Variants in GRAMD2B observed in about 807,000 individuals in gnomAD.
GRAMD2B encodes the protein GRAM domain containing 2B.
A neutral mutation model predicts 59.2 loss-of-function variants in GRAMD2B; 41 were observed. The ratio of observed to expected loss-of-function variants is 0.69; its 90% confidence interval spans 0.54 to 0.90. GRAMD2B has a LOEUF of 0.90. GRAMD2B is among the 40% of genes least tolerant of loss of function. The probability of loss-of-function intolerance (pLI) is 0.00; values close to 1 mark genes in which losing one functional copy is unlikely to be tolerated. For missense variants in GRAMD2B, 424 were observed against 500.5 expected, an observed-to-expected ratio of 0.85 and a Z score of 1.46; for synonymous variants, 161 against 182.7, an observed-to-expected ratio of 0.88 and a Z score of 0.96.
chr5:126,391,701 G>A (rs1298791819), intron 1 of GRAMD2B, among the ~76,000 whole-genome samples: 2 of 152,148 alleles, frequency 1.3e-5, no homozygotes, highest in South Asian at 2.1e-4. Flanking sequence ...TGAAAAATAG[G>A]CAAATCTATA....
At chr5:126,408,699 T>G (rs1580828941) in intron 1 of GRAMD2B, among the ~76,000 whole-genome samples, 1 of 150,964 alleles carries the variant, frequency 6.6e-6, no homozygotes, top group Admixed American at 6.6e-5. Context: ...CTTTTTTTTT[T>G]TTGTTATACT....
chr5:126,482,569 C>A (rs191622846), intron 8 of GRAMD2B, among the ~76,000 whole-genome samples: 1 of 152,192 alleles, frequency 6.6e-6, no homozygotes, highest in Non-Finnish European at 1.5e-5. Context: ...ATGTAAGGAG[C>A]TTTGCATACT....
chr5:126,403,614 T>A (rs934688297), intron 1 of GRAMD2B, among the ~76,000 whole-genome samples: 25 of 151,906 alleles, frequency 1.6e-4, no homozygotes, highest in African/African-American at 5.3e-4. Context: ...GGGGAAAAAA[T>A]TTTAACAGTT....
At chr5:126,421,249 T>C (rs76976796), upstream of GRAMD2B, among the ~76,000 whole-genome samples, 855 of 152,340 alleles carry the variant, frequency 5.6e-3, 10 homozygotes, top group African/African-American at 0.02. Flanking sequence ...AGTAATGTTA[T>C]GTATATTTTA....
intron 1 of GRAMD2B, among the ~76,000 whole-genome samples, chr5:126,403,775 A>G (rs1200423844): frequency 6.6e-6 from 1 of 151,934 alleles, no homozygotes; most frequent in Non-Finnish European, 1.5e-5. Flanking sequence ...GAGGAACATA[A>G]AAGTCTCTAA....
chr5:126,395,929 C>T (rs963466714), intron 1 of GRAMD2B, among the ~76,000 whole-genome samples: 1 of 152,152 alleles, frequency 6.6e-6, no homozygotes, highest in African/African-American at 2.4e-5. Context: ...TATCCATTAC[C>T]TCACATAGTT....
chr5:126,450,630 G>A (rs1765163253), intron 1 of GRAMD2B, among the ~76,000 whole-genome samples: 2 of 133,624 alleles, frequency 1.5e-5, no homozygotes, highest in South Asian at 2.4e-4. Context: ...TAAAACCAGT[G>A]ACAGTCCATC....
At chr5:126,386,546 G>T (rs773647109) in intron 1 of GRAMD2B, among the ~76,000 whole-genome samples, 2 of 152,192 alleles carry the variant, frequency 1.3e-5, no homozygotes, top group Non-Finnish European at 2.9e-5. Flanking sequence ...ATCCAAGGCT[G>T]AGAATACCAA....
At chr5:126,419,825 G>C (rs559026832), upstream of GRAMD2B, among the ~76,000 whole-genome samples, 96 of 152,232 alleles carry the variant, frequency 6.3e-4, no homozygotes, top group African/African-American at 2.3e-3. Context: ...GGGAGGCCAA[G>C]GTGGGCAGAT....
intron 1 of GRAMD2B, among the ~76,000 whole-genome samples, chr5:126,464,214 GCA>G (rs1030103736): frequency 6.6e-6 from 1 of 152,186 alleles, no homozygotes; most frequent in Non-Finnish European, 1.5e-5. Context: ...TTTCCTGCCT[GCA>G]CAGTCATATG....
intron 1 of GRAMD2B, among the ~76,000 whole-genome samples, chr5:126,399,674 T>A (rs773798976): frequency 6.6e-5 from 10 of 152,240 alleles, no homozygotes; most frequent in Non-Finnish European, 1.5e-4. Flanking sequence ...AATGGGCTAA[T>A]ACAATATATT....
At position 126,469,687 on chromosome 5, in the gene GRAMD2B, A is replaced by C. The variant is rs749082236; in HGVS notation, c.214A>C (p.Ser72Arg). 2.6e-6 allele frequency: 4 copies of C among 1,517,454 alleles called. No homozygotes were observed. Among genetic ancestry groups the C allele is most frequent in the Admixed American group, 1.7e-5 (1 of 57,922 alleles). 94.0% of individuals were successfully genotyped at this position (1,517,454 alleles called of 1,614,324 possible). The change falls in exon 3 of 14, where the codon AGT becomes CGT. Residue 72 changes from serine to arginine, a missense_variant. Ser to Arg is a moderately radical substitution (Grantham distance 110). Transcript: ENST00000285689. ...KKIISLWSKS[S>R]FDGASLASDK... ...ACTTTCTTTCTTTAGGTCAAAATCC[A>C]GTTTTGATGGTGCCTCTTTAGCAAG...
chr5:126,480,786 C>G, intron 8 of GRAMD2B, 79 bp downstream of exon 8: 1 of 1,326,602 alleles, frequency 7.5e-7, no homozygotes, highest in Non-Finnish European at 1.1e-6. Context: ...ACACCATGAC[C>G]AGGGTGTGGG....
intron 1 of GRAMD2B, among the ~76,000 whole-genome samples, chr5:126,371,770 A>G (rs1332310303): frequency 1.3e-5 from 2 of 152,164 alleles, no homozygotes; most frequent in African/African-American, 4.8e-5. Flanking sequence ...AAATAGAACT[A>G]TTATTACTAT....
At chr5:126,385,219 C>T (rs1369112003) in intron 1 of GRAMD2B, among the ~76,000 whole-genome samples, 3 of 152,026 alleles carry the variant, frequency 2.0e-5, no homozygotes, top group African/African-American at 4.8e-5. Flanking sequence ...TACCGCAGGC[C>T]TTATGATTCA....
chr5:126,380,601 G>A (rs1755582085), intron 1 of GRAMD2B, among the ~76,000 whole-genome samples: 1 of 152,058 alleles, frequency 6.6e-6, no homozygotes, highest in Non-Finnish European at 1.5e-5. Context: ...AGTTTTCCTT[G>A]TAGACGTCTT....
chr5:126,473,395 T>C, intron 5 of GRAMD2B, 27 bp downstream of exon 5: 1 of 821,276 alleles, frequency 1.2e-6, no homozygotes. Flanking sequence ...AAAAAAATGC[T>C]AACCCTATAC....
upstream of GRAMD2B, chr5:126,423,180 T>C: frequency 6.0e-6 from 6 of 1,004,144 alleles, no homozygotes; most frequent in Non-Finnish European, 7.1e-6. Context: ...AATCCCCCTG[T>C]TACAGTCGGG....
intron 9 of GRAMD2B, 54 bp downstream of exon 9, chr5:126,483,628 C>A: frequency 1.2e-6 from 1 of 834,330 alleles, no homozygotes; most frequent in East Asian, 2.6e-5. Context: ...AAAACATCCT[C>A]ACCCCACCCC....
Sources: gnomAD v4.1 joint callset for allele counts (sites outside exome capture counted in the v4.1 genomes callset) on GRCh38, gnomAD v4.1.1 for gene constraint, MANE v1.5 for transcripts, NCBI Gene and HGNC (gene_info 2026-07-23, HGNC 2026-07-21) for gene names.